The following TRAPPC13 variants were observed in gnomAD, a reference collection of about 807,000 sequenced individuals.
The protein encoded by TRAPPC13 is REV7-interacting novel NHEJ regulator 1.
A neutral mutation model predicts 54.0 loss-of-function variants in TRAPPC13; 39 were observed. That is an observed-to-expected ratio of 0.72 (90% CI 0.56 to 0.94). The LOEUF (loss-of-function observed/expected upper bound fraction) is 0.94. TRAPPC13 is among the 40% of genes least tolerant of loss of function. The pLI, the probability that TRAPPC13 is intolerant of heterozygous loss-of-function variation, is 0.00. For missense variants in TRAPPC13, 386 were observed against 488.1 expected, an observed-to-expected ratio of 0.79 and a Z score of 1.97; for synonymous variants, 148 against 167.7, an observed-to-expected ratio of 0.88 and a Z score of 0.91.
intron 5 of TRAPPC13, among the ~76,000 whole-genome samples, chr5:65,648,086 A>G (rs535971953): frequency 6.6e-6 from 1 of 152,146 alleles, no homozygotes; most frequent in Non-Finnish European, 1.5e-5. Context: ...GCTCTCTGCA[A>G]CCTAATTCTT....
intron 1 of TRAPPC13, chr5:65,630,429 T>C (rs1242275171): frequency 3.6e-5 from 51 of 1,406,446 alleles, no homozygotes; most frequent in Non-Finnish European, 4.3e-5. Context: ...TTTTAAAATT[T>C]TTAATGACTT....
chr5:65,652,491 A>T lies in TRAPPC13; in HGVS notation c.502-10A>T, dbSNP rs535560882. On this transcript the variant is annotated splice_polypyrimidine_tract_variant and intron_variant, in intron 6 of 12. Transcript: ENST00000399438. Reference sequence around the variant, plus strand: ...AACAATCTCCTGATTGATATGCTTTATTTAACCAGGTTCTCAAACCATTGG... The same window carrying T: ...AACAATCTCCTGATTGATATGCTTTTTTTAACCAGGTTCTCAAACCATTGG... The T allele has an allele frequency of 1.7e-5, 27 of 1,594,252 alleles. No homozygotes were observed. The Admixed American group carries it at 2.7e-4, about 16-fold the overall frequency.
chr5:65,629,706 CT>C (rs1561760974), intron 1 of TRAPPC13: 1 of 1,536,046 alleles, frequency 6.5e-7, no homozygotes, highest in Non-Finnish European at 8.7e-7. Flanking sequence ...AGATTTATAC[CT>C]TGGTTTCCAT....
intron 8 of TRAPPC13, among the ~76,000 whole-genome samples, chr5:65,657,684 A>T (rs925708513): frequency 6.6e-6 from 1 of 152,194 alleles, no homozygotes; most frequent in Non-Finnish European, 1.5e-5. Flanking sequence ...ACTGGCAAAT[A>T]TTGCTAAATA....
chr5:65,643,818 GAA>G (rs529875913), intron 4 of TRAPPC13, among the ~76,000 whole-genome samples: 1 of 50,008 alleles, frequency 2.0e-5, no homozygotes, highest in Non-Finnish European at 4.1e-5. Flanking sequence ...CTCCGTCTCA[GAA>G]AAAAAAAAAA....
At chr5:65,652,696 A>G in intron 7 of TRAPPC13, 151 bp downstream of exon 7, 1 of 704,696 alleles carries the variant, frequency 1.4e-6, no homozygotes, top group Non-Finnish European at 2.6e-6. Flanking sequence ...AAAATTGAAT[A>G]ATTTTATTAT....
intron 5 of TRAPPC13, among the ~76,000 whole-genome samples, chr5:65,649,089 G>A (rs764326459): frequency 5.3e-5 from 8 of 152,072 alleles, no homozygotes; most frequent in Non-Finnish European, 8.8e-5. Context: ...GATAGAGCAT[G>A]CCTGTAGTCT....
rs74526190 is a variant in TRAPPC13 at position 65,635,205 on chromosome 5, T to C, written c.47-96T>C. On this transcript the variant is annotated intron_variant, in intron 1 of 12. Transcript: ENST00000399438. ...GGAAGTATTTAGGTTATATTTTATG[T>C]TAGTATAAAATGGATGAATGTCATA... 7,726 of 1,000,474 alleles carry C rather than the reference T, an allele frequency of 7.7e-3. 400 individuals are homozygous for C. The African/African-American group carries it at 0.11, about 15-fold the overall frequency. The allele number at this position is 1,000,474 out of a possible 1,614,324, so 62.0% of individuals were successfully genotyped here. A position where few individuals can be genotyped will look rare whatever the true frequency, so the allele number is the denominator to read the frequency against.
At chr5:65,658,563 C>T in intron 9 of TRAPPC13, 62 bp downstream of exon 9, 1 of 1,367,264 alleles carries the variant, frequency 7.3e-7, no homozygotes, top group Non-Finnish European at 9.6e-7. Flanking sequence ...TTCTAAACAT[C>T]CATTGCTCTT....
Position 65,649,340 on chromosome 5 carries a change from C to T in TRAPPC13, c.429-1470C>T, listed in dbSNP as rs1756335484. Among the ~76,000 whole-genome samples, 3 of 152,084 alleles carry T rather than the reference C, an allele frequency of 2.0e-5. No individual in the cohort carries two copies. The South Asian group carries it at 6.2e-4, about 32-fold the overall frequency. On this transcript the variant is annotated intron_variant, in intron 5 of 12. Transcript: ENST00000399438. ...TTAAAAGTAACACAGAGATGAACAC[C>T]TTAATGTTTCCTTATGTGGAATATT...
At chr5:65,635,466 G>A (rs1447185029) in intron 2 of TRAPPC13, 97 bp downstream of exon 2, 1 of 955,988 alleles carries the variant, frequency 1.0e-6, no homozygotes, top group East Asian at 2.5e-5. Flanking sequence ...TAAATTTTAT[G>A]CTAACCATTT....
intron 4 of TRAPPC13, among the ~76,000 whole-genome samples, chr5:65,644,967 C>T (rs921820082): frequency 2.7e-5 from 4 of 150,380 alleles, no homozygotes; most frequent in Non-Finnish European, 4.4e-5. Context: ...GAGGCCAAGG[C>T]GGGCAGATCA....
At chr5:65,630,308 G>A in intron 1 of TRAPPC13, 1 of 1,527,758 alleles carries the variant, frequency 6.5e-7, no homozygotes, top group Non-Finnish European at 8.8e-7. Flanking sequence ...TAATTTATTT[G>A]TGCATAAATA....
At chr5:65,625,705 C>A (rs1357582628) in intron 1 of TRAPPC13, among the ~76,000 whole-genome samples, 2 of 152,058 alleles carry the variant, frequency 1.3e-5, no homozygotes, top group South Asian at 2.1e-4. Flanking sequence ...TAGGAAAAAA[C>A]AGCAGCACTT....
chr5:65,626,605 G>A (rs1388110358), intron 1 of TRAPPC13, among the ~76,000 whole-genome samples: 2 of 149,888 alleles, frequency 1.3e-5, no homozygotes, highest in East Asian at 3.9e-4. Flanking sequence ...GCGTGGTGGC[G>A]GGCGCCTGTA....
chr5:65,641,584 A>ACTTGTAGTCCTAG (rs1164565974), intron 4 of TRAPPC13, among the ~76,000 whole-genome samples: 2 of 152,100 alleles, frequency 1.3e-5, no homozygotes, highest in African/African-American at 4.8e-5. Context: ...GGTGGCGCAT[A>ACTTGTAGTCCTAG]CTTGTAGTCC....
chr5:65,634,197 G>A (rs1696034954), intron 1 of TRAPPC13, among the ~76,000 whole-genome samples: 1 of 151,706 alleles, frequency 6.6e-6, no homozygotes, highest in Admixed American at 6.6e-5. Flanking sequence ...GTGTTAGCCA[G>A]GATAGTCTCA....
intron 7 of TRAPPC13, among the ~76,000 whole-genome samples, chr5:65,652,959 A>C (rs566837937): frequency 6.6e-6 from 1 of 152,256 alleles, no homozygotes; most frequent in East Asian, 1.9e-4. Flanking sequence ...GAAGCTTAGC[A>C]CATTAAATTA....
chr5:65,664,554 A>C lies in TRAPPC13; in HGVS notation c.1197A>C (p.Glu399Asp). 1 of 1,612,366 alleles carries C rather than the reference A, an allele frequency of 6.2e-7. No homozygotes were observed. Among genetic ancestry groups the C allele is most frequent in the Non-Finnish European group, 8.5e-7 (1 of 1,179,574 alleles). Residue 399 changes from glutamate to aspartate, a missense_variant, in exon 13 of 13, where the codon GAA becomes GAC. Physicochemically the swap from Glu to Asp is conservative, Grantham distance 45 (BLOSUM62 2). Transcript: ENST00000399438. ...ACACATTCTTAAAGAGAACATATGA[A>C]TATGATGACATCGCACAAGTCTGTG... Reference protein sequence around the residue: ...LTDTFLKRTYEYDDIAQVCVV... With the variant: ...LTDTFLKRTYDYDDIAQVCVV...
Sources: allele counts gnomAD v4.1 joint callset (sites outside exome capture counted in the v4.1 genomes callset), GRCh38; gene constraint gnomAD v4.1.1; transcripts MANE v1.5; gene names NCBI Gene and HGNC (gene_info 2026-07-23, HGNC 2026-07-21).